The following SYS1 variants were observed in gnomAD, a reference collection of about 807,000 sequenced individuals.
SYS1 encodes protein SYS1 homolog.
A neutral mutation model predicts 17.8 loss-of-function variants in SYS1; 8 were observed. The ratio of observed to expected loss-of-function variants is 0.45; its 90% CI spans 0.26 to 0.81. The LOEUF is 0.81. Among genes scored for constraint, SYS1 ranks in the 40% least tolerant of loss-of-function variants. SYS1 has a pLI of 0.16. For missense variants in SYS1, 161 were observed against 203.9 expected (o/e 0.79, Z 1.28); for synonymous variants, 95 against 90.9 (o/e 1.05, Z -0.26).
chr20:45,371,082 G>A (rs1376570714), downstream of SYS1, among the ~76,000 whole-genome samples: 1 of 152,168 alleles, frequency 6.6e-6, no homozygotes, highest in Admixed American at 6.5e-5. Context: ...TCTTGGGTAA[G>A]CTATGTTACC....
chr20:45,363,782 G>C, intron 2 of SYS1, 89 bp downstream of exon 2: 1 of 1,371,004 alleles, frequency 7.3e-7, no homozygotes, highest in Non-Finnish European at 9.8e-7. Flanking sequence ...ACGTGGCTGG[G>C]TCACCTTCTT....
Position 45,368,483 on chromosome 20 carries a change from A to G in SYS1, c.*1368A>G. 1 of 985,494 alleles carries G rather than the reference A, an allele frequency of 1.0e-6. No individual in the cohort carries two copies. Among genetic ancestry groups the G allele is most frequent in the Non-Finnish European group, 1.2e-6 (1 of 829,956 alleles). The allele number at this position is 985,494 out of a possible 1,614,324, so 61.0% of individuals were successfully genotyped here. A position where few individuals can be genotyped will look rare whatever the true frequency, so the allele number is the denominator to read the frequency against. ...AGAGAGCTGTCAGTTTTCAGCTGTCAGTAACACAAATGAGTTTATGGTAAC... is the reference window on the plus strand; with the variant it reads ...AGAGAGCTGTCAGTTTTCAGCTGTCGGTAACACAAATGAGTTTATGGTAAC... On this transcript the variant is annotated 3_prime_UTR_variant, in exon 4 of 4. Transcript: ENST00000243918.
chr20:45,364,620 C>T (rs925918860), intron 2 of SYS1, among the ~76,000 whole-genome samples: 8 of 151,562 alleles, frequency 5.3e-5, no homozygotes, highest in Non-Finnish European at 1.0e-4. Flanking sequence ...TACAGGCGCC[C>T]GCCACTACGC....
chr20:45,376,606 C>G (rs1988741319), exon 4 of SYS1: 1 of 152,170 alleles, frequency 6.6e-6, no homozygotes, highest in Admixed American at 6.5e-5. Context: ...TTCTGTCTAC[C>G]TAACAGGATT....
chr20:45,370,311 T>C (rs999964107), downstream of SYS1, among the ~76,000 whole-genome samples: 1 of 152,206 alleles, frequency 6.6e-6, no homozygotes, highest in African/African-American at 2.4e-5. Context: ...AAGAGAGTAC[T>C]AGCCCACTAC....
exon 4 of SYS1, chr20:45,375,755 G>A (rs960201035): frequency 3.2e-6 from 2 of 616,424 alleles, no homozygotes; most frequent in African/African-American, 3.7e-5. Flanking sequence ...TTGGGAAGGT[G>A]AAAGCCATGA....
At chr20:45,374,014 G>A (rs201536194), downstream of SYS1, 2 of 1,613,846 alleles carry the variant, frequency 1.2e-6, no homozygotes, top group East Asian at 2.2e-5. Context: ...ACATCAACCT[G>A]CCAGCAGAAA....
At position 45,363,166 on chromosome 20, in the gene SYS1, C is replaced by T. The variant is rs1378038781; in HGVS notation, c.-153C>T. 3.8e-6 allele frequency: 4 copies of T among 1,039,970 alleles called. No homozygotes were observed. The highest frequency in any genetic ancestry group is 3.5e-6 in the Non-Finnish European group (3 of 862,580). The allele number at this position is 1,039,970 out of a possible 1,614,324, so 64.4% of individuals were successfully genotyped here. A position where few individuals can be genotyped will look rare whatever the true frequency, so the allele number is the denominator to read the frequency against. On this transcript the variant is annotated 5_prime_UTR_variant, in exon 1 of 4. Transcript: ENST00000243918. ...TCCCCGGAAACGTTTCTTTCCTACG[C>T]AGCCGCTCCTGCCGCCGTGGTCGCT...
exon 4 of SYS1, chr20:45,374,326 G>A (rs1040541383): frequency 7.3e-6 from 5 of 687,106 alleles, no homozygotes; most frequent in African/African-American, 7.2e-5. Context: ...AGGCTGGAGT[G>A]CAGTGGCGAA....
chr20:45,375,316 C>T lies in SYS1; in HGVS notation c.*1022C>T, dbSNP rs2231618. On this transcript the variant is annotated 3_prime_UTR_variant, in exon 4 of 4. Coordinates refer to the SYS1 transcript ENST00000426004. ...GACTCCAGGGTTCAAGCTATCATCC[C>T]TCGATGTCCTTGGAACCTCAGGCTC... 3.8e-3 allele frequency: 6,098 copies of T among 1,614,184 alleles called. 325 individuals are homozygous for T. The Admixed American group carries it at 0.093, about 25-fold the overall frequency.
intron 2 of SYS1, chr20:45,365,091 T>C (rs1283168523): frequency 9.5e-6 from 2 of 211,258 alleles, no homozygotes; most frequent in East Asian, 2.4e-4. Flanking sequence ...ATGCCAGGCT[T>C]TGTTGAAGAG....
exon 4 of SYS1, chr20:45,375,887 C>T (rs1471372206): frequency 7.8e-6 from 2 of 257,128 alleles, no homozygotes; most frequent in Non-Finnish European, 1.5e-5. Context: ...AAATTGTGCT[C>T]CAAGAACCTT....
exon 4 of SYS1, chr20:45,375,709 G>T: frequency 1.2e-6 from 1 of 831,262 alleles, no homozygotes; most frequent in Non-Finnish European, 1.9e-6. Flanking sequence ...CTGGTGTGAG[G>T]AGGTGTGATG....
At position 45,363,705 on chromosome 20, in the gene SYS1, G is replaced by T; in HGVS notation, c.162+12G>T. Reference sequence around the variant, plus strand: ...TGTTCGACGCCGAGGTAGGGTCCCCGGACTGGGGCGGGTGGGGTCTCGGCC... The same window carrying T: ...TGTTCGACGCCGAGGTAGGGTCCCCTGACTGGGGCGGGTGGGGTCTCGGCC... On this transcript the variant is annotated intron_variant, in intron 2 of 3. Coordinates refer to ENST00000243918, the MANE Select transcript of SYS1 (RefSeq NM_033542.4). 1 of 1,553,482 alleles carries T rather than the reference G, an allele frequency of 6.4e-7. No homozygotes were observed. Among genetic ancestry groups the T allele is most frequent in the Non-Finnish European group, 8.7e-7 (1 of 1,151,858 alleles).
downstream of SYS1, among the ~76,000 whole-genome samples, chr20:45,369,910 C>G (rs1988524909): frequency 6.8e-6 from 1 of 146,018 alleles, no homozygotes. Context: ...TGTGAGCCAC[C>G]AAGCCCAACT....
chr20:45,373,276 T>A (rs1055370618), downstream of SYS1: 1 of 156,062 alleles, frequency 6.4e-6, no homozygotes, highest in African/African-American at 2.4e-5. Flanking sequence ...GCAGTAGAGA[T>A]GCAGTACCAG....
exon 4 of SYS1, chr20:45,374,652 G>A: frequency 2.3e-6 from 1 of 428,408 alleles, no homozygotes; most frequent in Non-Finnish European, 4.1e-6. Flanking sequence ...GGAATGGGAT[G>A]CAGCAAAGCC....
exon 4 of SYS1, chr20:45,375,645 A>G: frequency 6.8e-7 from 1 of 1,477,994 alleles, no homozygotes; most frequent in Non-Finnish European, 9.0e-7. Context: ...GAGCCTGTTA[A>G]GAAAGGCTAG....
rs538396824 is a variant in SYS1, at chr20:45,368,761, T to C, written c.*1646T>C. On this transcript the variant is annotated 3_prime_UTR_variant, in exon 4 of 4. Transcript: ENST00000243918. ...GAGGTAAGACCAGCTGGGATGACCT[T>C]CCCTGGGTTAATCAATTTCCCTCTA... 2.0e-6 allele frequency: 2 copies of C among 985,232 alleles called. No homozygotes were observed. The highest frequency in any genetic ancestry group is 2.4e-6 in the Non-Finnish European group (2 of 829,922). 61.0% of individuals were successfully genotyped at this position (985,232 alleles called of 1,614,324 possible).
Sources: allele counts gnomAD v4.1 joint callset (sites outside exome capture counted in the v4.1 genomes callset), GRCh38; gene constraint gnomAD v4.1.1; transcripts MANE v1.5; gene names NCBI Gene and HGNC (gene_info 2026-07-23, HGNC 2026-07-21).